The following TXNDC11 variants were observed in gnomAD, a reference collection of about 807,000 sequenced individuals.
The protein encoded by TXNDC11 is thioredoxin domain-containing protein 11.
Under a neutral mutation model 78.0 loss-of-function variants are expected in TXNDC11, and 68 were observed. The ratio of observed to expected loss-of-function variants is 0.87; its 90% CI spans 0.72 to 1.07. TXNDC11 has a LOEUF of 1.07. Ranked by LOEUF, TXNDC11 falls within the 50% of genes least tolerant of loss-of-function variation. TXNDC11 has a pLI of 0.00. For missense variants in TXNDC11, 1,389 were observed against 1,221.8 expected (o/e 1.14, Z -2.04); for synonymous variants, 571 against 495.2 (o/e 1.15, Z -2.03).
rs771589769 is a variant in TXNDC11 at position 11,692,101 on chromosome 16, T to C, written c.1108-19A>G. 5.2e-5 allele frequency: 79 copies of C among 1,513,622 alleles called. No individual in the cohort carries two copies. The highest frequency in any genetic ancestry group is 7.0e-5 in the African/African-American group (5 of 71,566). The allele number at this position is 1,513,622 out of a possible 1,614,324, so 93.8% of individuals were successfully genotyped here. On this transcript the variant is annotated intron_variant, in intron 7 of 11. Coordinates refer to ENST00000283033, the MANE Select transcript of TXNDC11 (RefSeq NM_015914.7). ...CGGTGATCTGAAATACAGGGCAGAGTTGGTGAAGGGCTTGGGGATGACTGA... is the reference window on the plus strand; with the variant it reads ...CGGTGATCTGAAATACAGGGCAGAGCTGGTGAAGGGCTTGGGGATGACTGA...
At position 11,742,722 on chromosome 16, in the gene TXNDC11, T is replaced by A. The variant is rs751935587; in HGVS notation, c.9A>T (p.Glu3Asp). Residue 3 changes from glutamate to aspartate, a missense_variant, in exon 1 of 12, where the codon GAA (glutamate) becomes GAT (aspartate). Physicochemically the swap from Glu to Asp is conservative, Grantham distance 45 (BLOSUM62 2). Transcript: ENST00000283033. MS[E>D]CGGRGGGSSS... ...TGCTGCCGCCGCCGCGGCCTCCGCA[T>A]TCCGACATTACATGCTCCCAGTCGC... The A allele has an allele frequency of 8.1e-6, 12 of 1,482,456 alleles. No homozygotes were observed. Among genetic ancestry groups the A allele is most frequent in the Non-Finnish European group, 1.1e-5 (12 of 1,126,164 alleles). 91.8% of individuals were successfully genotyped at this position (1,482,456 alleles called of 1,614,324 possible).
intron 5 of TXNDC11, among the ~76,000 whole-genome samples, chr16:11,707,817 C>A (rs111529721): frequency 0.086 from 13,058 of 151,876 alleles, 615 homozygotes; most frequent in South Asian, 0.19. Flanking sequence ...TATGGTAGCT[C>A]ACATCTATAA....
At chr16:11,698,466 A>G (rs1597431474) in intron 6 of TXNDC11, 141 bp from the exon 7 acceptor site, 3 of 678,724 alleles carry the variant, frequency 4.4e-6, no homozygotes, top group East Asian at 2.7e-5. Flanking sequence ...CTGTGCAGCT[A>G]ACACCCGCTT....
Position 11,721,658 on chromosome 16 carries a change from C to G in TXNDC11, c.712G>C (p.Gly238Arg). 6.2e-7 allele frequency: 1 copy of G among 1,609,678 alleles called. No individual in the cohort carries two copies. Among genetic ancestry groups the G allele is most frequent in the South Asian group, 1.1e-5 (1 of 90,852 alleles). ...FLSNYEPGVL[G>R]YFEFSGSPQP... is the part of the protein sequence containing the mutation. ...GGTGAGCCACTGAACTCAAAGTACCCGAGTACTCCAGGCTGCAGGAAAAAG... is the reference window on the plus strand; with the variant it reads ...GGTGAGCCACTGAACTCAAAGTACCGGAGTACTCCAGGCTGCAGGAAAAAG... Residue 238 changes from glycine (G) to arginine (R), a missense_variant, in exon 5 of 12, where the codon GGG becomes CGG. Coordinates refer to ENST00000283033, the MANE Select transcript of TXNDC11 (RefSeq NM_015914.7).
At chr16:11,688,800 T>G (rs1171636253) in intron 8 of TXNDC11, among the ~76,000 whole-genome samples, 1 of 152,210 alleles carries the variant, frequency 6.6e-6, no homozygotes, top group Non-Finnish European at 1.5e-5. Flanking sequence ...CCTATAATAC[T>G]AAGACCTTTA....
chr16:11,714,359 G>A (rs1008221368), intron 5 of TXNDC11, among the ~76,000 whole-genome samples: 1 of 152,142 alleles, frequency 6.6e-6, no homozygotes, highest in African/African-American at 2.4e-5. Flanking sequence ...CTCACCATCT[G>A]GCCGCGCTCG....
At chr16:11,737,858 A>C (rs1170992169) in intron 1 of TXNDC11, among the ~76,000 whole-genome samples, 1 of 151,236 alleles carries the variant, frequency 6.6e-6, no homozygotes, top group Non-Finnish European at 1.5e-5. Context: ...TCTCAAAAAA[A>C]AAAAAAAAAA....
At chr16:11,731,458 G>A (rs2052043201) in intron 3 of TXNDC11, among the ~76,000 whole-genome samples, 1 of 152,118 alleles carries the variant, frequency 6.6e-6, no homozygotes, top group African/African-American at 2.4e-5. Flanking sequence ...AAGCTAATCA[G>A]AATTCTCACG....
intron 8 of TXNDC11, among the ~76,000 whole-genome samples, chr16:11,689,819 A>T (rs2050661862): frequency 6.6e-6 from 1 of 152,258 alleles, no homozygotes; most frequent in Non-Finnish European, 1.5e-5. Flanking sequence ...GTTTCATTTT[A>T]AGAAAGCTCA....
intron 2 of TXNDC11, among the ~76,000 whole-genome samples, chr16:11,734,386 T>C (rs558876818): frequency 2.6e-5 from 4 of 152,292 alleles, no homozygotes; most frequent in Non-Finnish European, 4.4e-5. Flanking sequence ...GTACATGGAA[T>C]AGTAAGCTCT....
chr16:11,694,052 T>A (rs1052200262), intron 7 of TXNDC11, among the ~76,000 whole-genome samples: 1 of 149,656 alleles, frequency 6.7e-6, no homozygotes, highest in Non-Finnish European at 1.5e-5. Flanking sequence ...AGCAGCCACG[T>A]AAAGAATATT....
intron 11 of TXNDC11, among the ~76,000 whole-genome samples, chr16:11,682,427 T>C (rs2050446320): frequency 6.6e-6 from 1 of 152,102 alleles, no homozygotes; most frequent in South Asian, 2.1e-4. Context: ...GCCGGAGAAA[T>C]GCGCACATCT....
chr16:11,701,262 A>G (rs996446874), intron 5 of TXNDC11, among the ~76,000 whole-genome samples: 1 of 148,006 alleles, frequency 6.8e-6, no homozygotes, highest in Admixed American at 6.9e-5. Context: ...TCAGCCTCCC[A>G]AGTAGCTGCA....
intron 10 of TXNDC11, among the ~76,000 whole-genome samples, chr16:11,686,069 C>T (rs567531633): frequency 1.3e-5 from 2 of 152,280 alleles, no homozygotes; most frequent in South Asian, 4.1e-4. Flanking sequence ...AGTGATTCTC[C>T]TGCCTCAGCC....
At chr16:11,693,072 C>G (rs544981031) in intron 7 of TXNDC11, among the ~76,000 whole-genome samples, 2 of 152,310 alleles carry the variant, frequency 1.3e-5, no homozygotes, top group African/African-American at 4.8e-5. Context: ...TCCCCACAAA[C>G]TTACAGAACC....
chr16:11,692,453 G>A (rs969895631), intron 7 of TXNDC11, among the ~76,000 whole-genome samples: 2 of 152,102 alleles, frequency 1.3e-5, no homozygotes, highest in African/African-American at 4.8e-5. Flanking sequence ...TAAGGATAGT[G>A]ATGCTGGCAA....
chr16:11,739,933 CTG>C (rs1254027293), intron 1 of TXNDC11, among the ~76,000 whole-genome samples: 2 of 151,920 alleles, frequency 1.3e-5, no homozygotes, highest in African/African-American at 4.8e-5. Context: ...GTGGCTCACA[CTG>C]TAATCCCAGC....
chr16:11,679,875 C>T lies in TXNDC11; in HGVS notation c.2235-38G>A. 1 of 1,571,104 alleles carries T rather than the reference C, an allele frequency of 6.4e-7. No homozygotes were observed. The highest frequency in any genetic ancestry group is 8.7e-7 in the Non-Finnish European group (1 of 1,151,992). Reference sequence around the variant, plus strand: ...GGAAAGGAAGCAAAGACAGGAGTCACACCAACACAATGAGTCCAAAAGCAG... The same window carrying T: ...GGAAAGGAAGCAAAGACAGGAGTCATACCAACACAATGAGTCCAAAAGCAG... On this transcript the variant is annotated intron_variant, in intron 11 of 11. Coordinates refer to ENST00000283033, the MANE Select transcript of TXNDC11 (RefSeq NM_015914.7). The surrounding 1 kb of genome is among the most constrained non-coding windows in gnomAD (Gnocchi z 4.6).
intron 1 of TXNDC11, among the ~76,000 whole-genome samples, chr16:11,740,587 T>C (rs1296471046): frequency 6.6e-6 from 1 of 152,276 alleles, no homozygotes; most frequent in Non-Finnish European, 1.5e-5. Context: ...CCTCTCTTCC[T>C]AATTTGAACC....
Sources: gnomAD v4.1 joint callset for allele counts (sites outside exome capture counted in the v4.1 genomes callset) on GRCh38, gnomAD v4.1.1 for gene constraint, Gnocchi (gnomAD v3.1) non-coding constraint, MANE v1.5 for transcripts, NCBI Gene and HGNC (gene_info 2026-07-23, HGNC 2026-07-21) for gene names.